The following NALCN variants were observed in gnomAD, a reference collection of about 807,000 sequenced individuals.
NALCN encodes sodium leak channel, non-selective.
In NALCN, 111 loss-of-function variants were observed where a neutral mutation model predicts 225.3. The observed-to-expected ratio is 0.49, with a 90% CI of 0.42 to 0.58. The LOEUF (loss-of-function observed/expected upper bound fraction) is 0.58, where lower values mean the gene tolerates loss of function less well. Ranked by LOEUF, NALCN falls within the 20% of genes least tolerant of loss-of-function variation. The pLI is 0.00. For synonymous variants in NALCN, 764 were observed against 769.0 expected (o/e 0.99, Z 0.11); for missense variants, 1,378 against 2,202.4 (o/e 0.63, Z 7.49).
chr13:101,141,763 G>A (rs1356414132), intron 17 of NALCN, among the ~76,000 whole-genome samples: 1 of 152,108 alleles, frequency 6.6e-6, no homozygotes, highest in Non-Finnish European at 1.5e-5. Context: ...AGAAAGCGGA[G>A]AGAAAGAAGA....
intron 3 of NALCN, among the ~76,000 whole-genome samples, chr13:101,381,027 G>C (rs545134661): frequency 1.3e-5 from 2 of 152,106 alleles, no homozygotes; most frequent in Admixed American, 6.6e-5. Context: ...TAATTCTATG[G>C]GGAGTTTAGA....
intron 30 of NALCN, among the ~76,000 whole-genome samples, chr13:101,086,230 T>G: frequency 6.6e-6 from 1 of 152,014 alleles, no homozygotes; most frequent in Non-Finnish European, 1.5e-5. Context: ...CCTACTTTAT[T>G]TGATTTTACT....
chr13:101,189,539 T>TACAA (rs1416418824), intron 14 of NALCN, among the ~76,000 whole-genome samples: 1 of 152,202 alleles, frequency 6.6e-6, no homozygotes, highest in Non-Finnish European at 1.5e-5. Context: ...CACTTTCCGA[T>TACAA]ACAAACAACA....
At chr13:101,129,938 C>T (rs2036435580) in intron 17 of NALCN, among the ~76,000 whole-genome samples, 1 of 150,188 alleles carries the variant, frequency 6.7e-6, no homozygotes, top group African/African-American at 2.4e-5. Context: ...TCTCATTGTT[C>T]AATTCCTACT....
chr13:101,187,203 G>C (rs1053108195), intron 14 of NALCN, among the ~76,000 whole-genome samples: 2 of 152,084 alleles, frequency 1.3e-5, no homozygotes, highest in African/African-American at 2.4e-5. Flanking sequence ...TGTCATAACT[G>C]TTCTATTTTG....
intron 1 of NALCN, among the ~76,000 whole-genome samples, chr13:101,415,440 A>T (rs985544830): frequency 6.6e-6 from 1 of 152,048 alleles, no homozygotes; most frequent in Non-Finnish European, 1.5e-5. Context: ...TTAATAATAC[A>T]GTGTCTGAAA....
At chr13:101,217,785 G>T (rs371684344) in intron 13 of NALCN, among the ~76,000 whole-genome samples, 33 of 152,192 alleles carry the variant, frequency 2.2e-4, no homozygotes, top group African/African-American at 7.5e-4. Context: ...GATCTACTCT[G>T]TGTCCAGCCC....
intron 3 of NALCN, among the ~76,000 whole-genome samples, chr13:101,380,935 A>G (rs2046832946): frequency 2.0e-5 from 3 of 151,936 alleles, no homozygotes; most frequent in African/African-American, 7.3e-5. Flanking sequence ...AGTCTTGTAG[A>G]AAAACAGATG....
chr13:101,280,231 T>C (rs900115154), intron 10 of NALCN, among the ~76,000 whole-genome samples: 3 of 152,178 alleles, frequency 2.0e-5, no homozygotes, highest in East Asian at 1.9e-4. Flanking sequence ...ACACATGAAG[T>C]TGAGTGGAAT....
intron 13 of NALCN, among the ~76,000 whole-genome samples, chr13:101,218,877 G>A (rs767753898): frequency 6.6e-6 from 1 of 151,966 alleles, no homozygotes; most frequent in Non-Finnish European, 1.5e-5. Context: ...TCTCTTCTTT[G>A]TAATTACCCA....
chr13:101,217,883 A>G (rs1232403305), intron 13 of NALCN, among the ~76,000 whole-genome samples: 1 of 152,124 alleles, frequency 6.6e-6, no homozygotes, highest in African/African-American at 2.4e-5. Flanking sequence ...GGAATTAAAC[A>G]CCAGCTTTCT....
chr13:101,139,867 G>T (rs979550641), intron 17 of NALCN, among the ~76,000 whole-genome samples: 4 of 152,118 alleles, frequency 2.6e-5, no homozygotes, highest in African/African-American at 9.7e-5. Context: ...TGCTGTCTCC[G>T]CAATTTGTGC....
At chr13:101,209,861 T>C (rs1283863018) in intron 13 of NALCN, among the ~76,000 whole-genome samples, 1 of 152,200 alleles carries the variant, frequency 6.6e-6, no homozygotes, top group African/African-American at 2.4e-5. Flanking sequence ...GTGGTTCATA[T>C]TAATATGCAT....
intron 7 of NALCN, among the ~76,000 whole-genome samples, chr13:101,301,320 A>C (rs1048998849): frequency 2.0e-5 from 3 of 152,202 alleles, no homozygotes; most frequent in Non-Finnish European, 4.4e-5. Context: ...GTAGCAAAGA[A>C]ACCTGGTCAG....
chr13:101,166,861 A>G (rs576906880), intron 15 of NALCN, among the ~76,000 whole-genome samples: 2 of 152,280 alleles, frequency 1.3e-5, no homozygotes, highest in African/African-American at 4.8e-5. Context: ...TCTTTTGTTA[A>G]GGTCCTTAAT....
chr13:101,111,455 GCTCCCCT>G (rs941259865), intron 18 of NALCN, among the ~76,000 whole-genome samples: 1 of 152,114 alleles, frequency 6.6e-6, no homozygotes, highest in African/African-American at 2.4e-5. Flanking sequence ...TAAACAGAAA[GCTCCCCT>G]CTTGCCCCTC....
intron 7 of NALCN, among the ~76,000 whole-genome samples, chr13:101,327,038 G>C (rs2044979136): frequency 6.6e-6 from 1 of 152,026 alleles, no homozygotes; most frequent in African/African-American, 2.4e-5. Context: ...ATTATCTCAA[G>C]GGGAAAGAAA....
chr13:101,083,814 C>T lies in NALCN; in HGVS notation c.3490-10G>A, dbSNP rs371442645. On this transcript the variant is annotated splice_polypyrimidine_tract_variant and intron_variant, in intron 30 of 43. Transcript: ENST00000251127. Reference sequence around the variant, plus strand: ...TCAGCAAAGCCGTCCCCTTAACAGACAAAAGAAAGCAGGAAAAGGCCTTTT... The same window carrying T: ...TCAGCAAAGCCGTCCCCTTAACAGATAAAAGAAAGCAGGAAAAGGCCTTTT... 1.2e-5 allele frequency: 20 copies of T among 1,611,744 alleles called. No homozygotes were observed. In the African/African-American group the frequency reaches 2.1e-4, roughly 17 times the overall value.
At chr13:101,207,532 A>G (rs1439651044) in intron 13 of NALCN, among the ~76,000 whole-genome samples, 2 of 152,152 alleles carry the variant, frequency 1.3e-5, no homozygotes, top group Non-Finnish European at 2.9e-5. Flanking sequence ...GCTCTAATTC[A>G]TCAAGAAAAT....
Sources: gnomAD v4.1 joint callset for allele counts (sites outside exome capture counted in the v4.1 genomes callset) on GRCh38, gnomAD v4.1.1 for gene constraint, MANE v1.5 for transcripts, NCBI Gene and HGNC (gene_info 2026-07-23, HGNC 2026-07-21) for gene names.